The following NOTCH2 variants were observed in gnomAD, a reference collection of about 807,000 sequenced individuals.
NOTCH2 encodes neurogenic locus notch homolog protein 2.
Under a neutral mutation model 235.8 loss-of-function variants are expected in NOTCH2, and 29 were observed. The ratio of observed to expected loss-of-function variants is 0.12; its 90% confidence interval spans 0.09 to 0.17. The LOEUF is 0.17. NOTCH2 is among the 10% of genes least tolerant of loss of function. The pLI, the probability that NOTCH2 is intolerant of heterozygous loss-of-function variation, is 1.00. For synonymous variants in NOTCH2, 1,086 were observed against 1,141.5 expected (o/e 0.95, Z 0.98); for missense variants, 2,285 against 3,150.2 (o/e 0.73, Z 6.57).
chr1:120,001,469 A>C (rs113271467), intron 3 of NOTCH2, among the ~76,000 whole-genome samples: 13 of 152,156 alleles, frequency 8.5e-5, no homozygotes, highest in South Asian at 2.1e-4. Flanking sequence ...TCATGCCCCA[A>C]CTTCCCAGTG....
intron 4 of NOTCH2, chr1:119,994,529 T>TACACACACAC (rs36007595): frequency 8.9e-6 from 1 of 111,842 alleles, no homozygotes; most frequent in African/African-American, 4.3e-5. Context: ...CATATATATA[T>TACACACACAC]ACACACACAC....
intron 5 of NOTCH2, among the ~76,000 whole-genome samples, chr1:119,981,013 T>C (rs1651792458): frequency 6.6e-6 from 1 of 152,186 alleles, no homozygotes. Context: ...TCTGTTCTTA[T>C]CACTCCATCC....
chr1:119,962,018 C>G (rs922767359), intron 11 of NOTCH2, among the ~76,000 whole-genome samples: 1 of 152,150 alleles, frequency 6.6e-6, no homozygotes, highest in African/African-American at 2.4e-5. Flanking sequence ...GTTGTCTGAC[C>G]GTTGCTTGCT....
intron 21 of NOTCH2, among the ~76,000 whole-genome samples, chr1:119,936,213 T>C (rs1404628659): frequency 6.6e-6 from 1 of 151,864 alleles, no homozygotes; most frequent in African/African-American, 2.4e-5. Context: ...CTGGGAGAAG[T>C]CCCAAATAGC....
chr1:120,010,779 G>T (rs767079419), intron 2 of NOTCH2, among the ~76,000 whole-genome samples: 23 of 152,106 alleles, frequency 1.5e-4, no homozygotes, highest in Non-Finnish European at 3.2e-4. Flanking sequence ...CCCTTCCTAG[G>T]TATATACCCG....
In NOTCH2 at chr1:119,923,804, G is replaced by A. The variant is rs774541297; in HGVS notation, c.4692C>T (p.Ser1564=). The change falls in exon 26 of 34, where the codon AGC becomes AGT. Residue 1564 remains serine (S), a synonymous_variant. Transcript: ENST00000256646. ...GCAGGGTACCCAGTGCCCGCAAGAA[G>A]CTGCGAGCATCCTGGAGCAGTTGTT... ...PPEQLLQDAR[S]FLRALGTLLH... The A allele has an allele frequency of 1.2e-6, 2 of 1,614,062 alleles. No homozygotes were observed. Among genetic ancestry groups the A allele is most frequent in the African/African-American group, 1.3e-5 (1 of 74,904 alleles).
intron 19 of NOTCH2, 120 bp downstream of exon 19, chr1:119,940,433 CAG>C: frequency 1.1e-6 from 1 of 871,914 alleles, no homozygotes; most frequent in Non-Finnish European, 1.9e-6. Flanking sequence ...TAGATTATCT[CAG>C]GGAATCCCTG....
chr1:119,977,749 A>G (rs1430897832), intron 5 of NOTCH2, among the ~76,000 whole-genome samples: 4 of 152,248 alleles, frequency 2.6e-5, no homozygotes, highest in Non-Finnish European at 5.9e-5. Context: ...CTGAAGAAAA[A>G]TACTAAAGTA....
chr1:120,023,352 G>T (rs1370060178), intron 2 of NOTCH2, among the ~76,000 whole-genome samples: 1 of 151,190 alleles, frequency 6.6e-6, no homozygotes, highest in Non-Finnish European at 1.5e-5. Flanking sequence ...CAGGAGAATG[G>T]CAAGAACCCG....
In NOTCH2 at chr1:119,969,512, T is replaced by A; in HGVS notation, c.1107A>T (p.Ala369=). Residue 369 remains alanine (A), a splice_region_variant and synonymous_variant, in exon 6 of 34, where the codon GCA becomes GCT. Coordinates refer to ENST00000256646, the MANE Select transcript of NOTCH2 (RefSeq NM_024408.4). ...TAGATCCGTCCTTCTGCTACCTACC[T>A]GCCTTCCCCTCTGGGCACATGCAAG... ...SFSCMCPEGK[A]GLLCHLDDAC... 1 of 1,613,480 alleles carries A rather than the reference T, an allele frequency of 6.2e-7. No individual in the cohort carries two copies. The highest frequency in any genetic ancestry group is 8.5e-7 in the Non-Finnish European group (1 of 1,179,710).
intron 2 of NOTCH2, among the ~76,000 whole-genome samples, chr1:120,006,210 T>C (rs1370251110): frequency 6.6e-6 from 1 of 152,012 alleles, no homozygotes; most frequent in Non-Finnish European, 1.5e-5. Flanking sequence ...GGAAAGGAGG[T>C]ACAGGAATGG....
chr1:119,963,209 A>AGGAAGGAAGGAAGGAC (rs1651010910), intron 11 of NOTCH2, among the ~76,000 whole-genome samples: 1 of 151,728 alleles, frequency 6.6e-6, no homozygotes, highest in African/African-American at 2.4e-5. Flanking sequence ...GAAGGAAGGA[A>AGGAAGGAAGGAAGGAC]GGACTGAATT....
At chr1:119,952,880 T>A (rs1316742998) in intron 14 of NOTCH2, among the ~76,000 whole-genome samples, 1 of 152,266 alleles carries the variant, frequency 6.6e-6, no homozygotes, top group Non-Finnish European at 1.5e-5. Context: ...ACTATCTTAA[T>A]TATAGTAAGC....
intron 5 of NOTCH2, among the ~76,000 whole-genome samples, chr1:119,979,548 A>T (rs1361794452): frequency 3.9e-5 from 6 of 152,206 alleles, no homozygotes; most frequent in Admixed American, 6.5e-5. Context: ...TGGGTCCAAC[A>T]TGTAACTCCT....
chr1:119,918,144 A>G (rs761795342), intron 32 of NOTCH2, among the ~76,000 whole-genome samples: 8 of 152,230 alleles, frequency 5.3e-5, no homozygotes, highest in Non-Finnish European at 7.3e-5. Context: ...TGTTATGCCT[A>G]GGAAACTACA....
intron 1 of NOTCH2, among the ~76,000 whole-genome samples, chr1:120,038,956 G>A (rs1300126315): frequency 6.6e-6 from 1 of 152,142 alleles, no homozygotes; most frequent in African/African-American, 2.4e-5. Context: ...TTGAATGGAA[G>A]CCAAAATAAT....
intron 17 of NOTCH2, 50 bp downstream of exon 17, chr1:119,948,364 T>G: frequency 4.3e-6 from 7 of 1,609,718 alleles, no homozygotes; most frequent in Non-Finnish European, 5.9e-6. Flanking sequence ...CTCTGCTCCC[T>G]GTGTGTTTTC....
intron 3 of NOTCH2, among the ~76,000 whole-genome samples, chr1:120,000,107 C>T (rs1652689069): frequency 6.6e-6 from 1 of 152,082 alleles, no homozygotes; most frequent in Non-Finnish European, 1.5e-5. Flanking sequence ...AACTTGCTGC[C>T]TCTGCTTCTT....
chr1:120,010,791 G>T (rs1236805419), intron 2 of NOTCH2, among the ~76,000 whole-genome samples: 1 of 151,972 alleles, frequency 6.6e-6, no homozygotes, highest in Non-Finnish European at 1.5e-5. Context: ...ATATACCCGA[G>T]ATAACTGAAA....
Sources: allele counts gnomAD v4.1 joint callset (sites outside exome capture counted in the v4.1 genomes callset), GRCh38; gene constraint gnomAD v4.1.1; transcripts MANE v1.5; gene names NCBI Gene and HGNC (gene_info 2026-07-23, HGNC 2026-07-21).